CABCOCO1: variants seen among roughly 807,000 people sequenced by gnomAD.
CABCOCO1 encodes the protein ciliary associated calcium binding coiled-coil 1.
CABCOCO1 carries 28 observed loss-of-function variants against 35.7 expected under a neutral mutation model. The ratio of observed to expected loss-of-function variants is 0.78; its 90% CI spans 0.58 to 1.07. The LOEUF is 1.07. Among genes scored for constraint, CABCOCO1 ranks in the 50% least tolerant of loss-of-function variants. The pLI, the probability that CABCOCO1 is intolerant of heterozygous loss-of-function variation, is 0.00. For missense variants in CABCOCO1, 326 were observed against 309.2 expected, an observed-to-expected ratio of 1.05 and a Z score of -0.41; for synonymous variants, 95 against 100.1, an observed-to-expected ratio of 0.95 and a Z score of 0.30.
In CABCOCO1 at chr10:61,695,731, G is replaced by A. The variant is rs73287785; in HGVS notation, c.552+5110G>A. ...GAGGACCATGAAGTAATTTCAAATT[G>A]TCCTAAGAAAATAACTGTCAATCTA... is the stretch of plus-strand genomic sequence containing the variant. On this transcript the variant is annotated intron_variant, in intron 5 of 7. Transcript: ENST00000648843. Among the ~76,000 whole-genome samples the A allele has an allele frequency of 4.7e-3, 708 of 151,980 alleles. 6 individuals are homozygous for A. Among genetic ancestry groups the A allele is most frequent in the African/African-American group, 0.015 (634 of 41,492 alleles).
In CABCOCO1 at chr10:61,691,079, T is replaced by C. The variant is rs142889653; in HGVS notation, c.552+458T>C. Among the ~76,000 whole-genome samples the C allele has an allele frequency of 1.2e-3, 186 of 152,240 alleles. 1 individual carries two copies. Among genetic ancestry groups the C allele is most frequent in the African/African-American group, 4.2e-3 (175 of 41,556 alleles). On this transcript the variant is annotated intron_variant, in intron 5 of 7. Transcript: ENST00000648843. The stretch of plus-strand genomic sequence containing the variant: ...GTGGATCAAACCTACCTTAATTGCA[T>C]CATAATCTCAAACAAAAGGTTTAGA...
chr10:61,667,247 A>C (rs1017152006), intron 1 of CABCOCO1, among the ~76,000 whole-genome samples: 2 of 148,832 alleles, frequency 1.3e-5, no homozygotes, highest in African/African-American at 2.4e-5. Context: ...AAAATTTTGT[A>C]TATGCATACA....
intron 5 of CABCOCO1, among the ~76,000 whole-genome samples, chr10:61,753,503 AAG>A (rs1274381591): frequency 1.3e-5 from 2 of 152,294 alleles, no homozygotes; most frequent in East Asian, 3.9e-4. Context: ...TCATTTTCAC[AAG>A]AGAGACGTGT....
In CABCOCO1 at chr10:61,766,610, A is replaced by G. The variant is rs181409382; in HGVS notation, c.*597A>G. 63 of 151,626 alleles carry G rather than the reference A, an allele frequency of 4.2e-4. No homozygotes were observed. Among genetic ancestry groups the G allele is most frequent in the African/African-American group, 1.5e-3 (60 of 41,338 alleles). 9.4% of individuals were successfully genotyped at this position (151,626 alleles called of 1,614,324 possible). A position where few individuals can be genotyped will look rare whatever the true frequency, so the allele number is the denominator to read the frequency against. On this transcript the variant is annotated 3_prime_UTR_variant, in exon 8 of 8. Transcript: ENST00000648843. Reference sequence around the variant, plus strand: ...AATGCAGTTTGAAGCACTTTAATTTATTCTGTACTGTATTTGTTATTTCTA... The same window carrying G: ...AATGCAGTTTGAAGCACTTTAATTTGTTCTGTACTGTATTTGTTATTTCTA...
At chr10:61,682,557 A>G (rs561213036) in intron 3 of CABCOCO1, among the ~76,000 whole-genome samples, 5 of 152,348 alleles carry the variant, frequency 3.3e-5, no homozygotes, top group East Asian at 3.9e-4. Context: ...GTTAGCAAGT[A>G]ACTGTAGAAT....
intron 5 of CABCOCO1, among the ~76,000 whole-genome samples, chr10:61,698,903 C>T (rs1300397280): frequency 1.3e-5 from 2 of 151,976 alleles, no homozygotes; most frequent in Non-Finnish European, 2.9e-5. Context: ...ATTTTGGAAA[C>T]GAGGAAGGCA....
At position 61,680,477 on chromosome 10, in the gene CABCOCO1, T is replaced by G. The variant is rs1311743743; in HGVS notation, c.165-666T>G. Among the ~76,000 whole-genome samples, 216 of 30,912 alleles carry G rather than the reference T, an allele frequency of 7.0e-3. 4 individuals are homozygous for G. The highest frequency in any genetic ancestry group is 0.021 in the African/African-American group (198 of 9,354). The allele number at this position is 30,912 out of a possible 152,430, so 20.3% of individuals were successfully genotyped here. A position where few individuals can be genotyped will look rare whatever the true frequency, so the allele number is the denominator to read the frequency against. On this transcript the variant is annotated intron_variant, in intron 2 of 7. Coordinates refer to ENST00000648843, the MANE Select transcript of CABCOCO1 (RefSeq NM_001366906.2). The stretch of plus-strand genomic sequence containing the variant: ...ATATATAACATATATAATATATATT[T>G]ATATATATAACATATTATATGTTAT...
At chr10:61,739,604 T>A in intron 5 of CABCOCO1, among the ~76,000 whole-genome samples, 1 of 141,592 alleles carries the variant, frequency 7.1e-6, no homozygotes, top group South Asian at 2.2e-4. Context: ...AATTGCTAAG[T>A]TTTTTTTTTT....
chr10:61,753,754 A>T (rs947384996), intron 5 of CABCOCO1, among the ~76,000 whole-genome samples: 5 of 152,158 alleles, frequency 3.3e-5, no homozygotes, highest in African/African-American at 1.2e-4. Flanking sequence ...ATCATGCTAC[A>T]TATCTACCTC....
At chr10:61,674,612 A>C (rs1264878354) in intron 2 of CABCOCO1, among the ~76,000 whole-genome samples, 1 of 152,200 alleles carries the variant, frequency 6.6e-6, no homozygotes, top group African/African-American at 2.4e-5. Flanking sequence ...GTATCCTATC[A>C]CCAAGTGACA....
At chr10:61,663,065 G>A in intron 1 of CABCOCO1, 33 bp downstream of exon 1, 1 of 238,186 alleles carries the variant, frequency 4.2e-6, no homozygotes, top group Non-Finnish European at 9.6e-6. Context: ...CGGTACCGGT[G>A]CCGGTACCAG....
intron 5 of CABCOCO1, among the ~76,000 whole-genome samples, chr10:61,748,538 G>A (rs983755069): frequency 7.2e-5 from 11 of 152,154 alleles, no homozygotes; most frequent in African/African-American, 2.7e-4. Context: ...CCACTGTTAT[G>A]GCCGTTTTCT....
rs1488669102 is a variant in CABCOCO1, at chr10:61,663,006, C to CCGGCAGGGCCGACCA, written c.38_39insAGGGCCGACCACGGC (p.Gly14_Thr15insProThrThrAlaGly). ...GGGGACGACTCCCTGGGGGCCGACC[C>CCGGCAGGGCCGACCA]CGGCGGGAACCACGCCCGAATCGGA... On this transcript the variant is annotated inframe_insertion, in exon 1 of 8. Coordinates refer to ENST00000648843, the MANE Select transcript of CABCOCO1 (RefSeq NM_001366906.2). The CCGGCAGGGCCGACCA allele has an allele frequency of 2.1e-5, 7 of 336,232 alleles. 1 individual carries two copies. Among genetic ancestry groups the CCGGCAGGGCCGACCA allele is most frequent in the South Asian group, 1.5e-4 (7 of 47,180 alleles). The allele number at this position is 336,232 out of a possible 1,614,324, so 20.8% of individuals were successfully genotyped here.
intron 1 of CABCOCO1, 41 bp from the exon 2 acceptor site, chr10:61,672,591 C>T (rs1839393859): frequency 1.0e-5 from 5 of 488,412 alleles, no homozygotes; most frequent in African/African-American, 2.1e-5. Context: ...ATATATGAAA[C>T]GTACAATTAA....
intron 7 of CABCOCO1, among the ~76,000 whole-genome samples, chr10:61,763,430 C>A (rs752715540): frequency 2.0e-5 from 3 of 151,986 alleles, no homozygotes; most frequent in Non-Finnish European, 4.4e-5. Context: ...CTGAATAGAG[C>A]AAACATTTTA....
chr10:61,735,243 C>T (rs1488929988), intron 5 of CABCOCO1, among the ~76,000 whole-genome samples: 1 of 152,034 alleles, frequency 6.6e-6, no homozygotes, highest in Non-Finnish European at 1.5e-5. Context: ...ATGTGTGGGG[C>T]TCAGAACACA....
chr10:61,728,339 C>T (rs541690798), intron 5 of CABCOCO1, among the ~76,000 whole-genome samples: 1 of 152,166 alleles, frequency 6.6e-6, no homozygotes, highest in African/African-American at 2.4e-5. Context: ...AATAAAATAC[C>T]TTTCCTGAAG....
intron 2 of CABCOCO1, among the ~76,000 whole-genome samples, chr10:61,678,419 T>C (rs1311993345): frequency 6.6e-6 from 1 of 152,108 alleles, no homozygotes; most frequent in Admixed American, 6.6e-5. Flanking sequence ...ACCACCACCA[T>C]CATCAGGATG....
chr10:61,711,946 T>C (rs898566167), intron 5 of CABCOCO1, among the ~76,000 whole-genome samples: 5 of 152,054 alleles, frequency 3.3e-5, no homozygotes, highest in Non-Finnish European at 7.4e-5. Context: ...TTGTGAATAG[T>C]GCTGCAAAAA....
Sources: gnomAD v4.1 joint callset for allele counts (sites outside exome capture counted in the v4.1 genomes callset) on GRCh38, gnomAD v4.1.1 for gene constraint, MANE v1.5 for transcripts, NCBI Gene and HGNC (gene_info 2026-07-23, HGNC 2026-07-21) for gene names.